Variants in CSMD1 observed in about 807,000 individuals in gnomAD.
CSMD1 encodes CUB and Sushi multiple domains 1, also known as CUB and sushi domain-containing protein 1.
In CSMD1, 213 loss-of-function variants were observed where a neutral mutation model predicts 417.5. The observed-to-expected ratio is 0.51, with a 90% CI of 0.46 to 0.57. The LOEUF (loss-of-function observed/expected upper bound fraction) is 0.57, where lower values mean the gene tolerates loss of function less well. CSMD1 is among the 20% of genes least tolerant of loss of function. The probability of loss-of-function intolerance (pLI) is 0.00; values close to 1 mark genes in which losing one functional copy is unlikely to be tolerated. For missense variants in CSMD1, 6,923 were observed against 4,529.7 expected, an observed-to-expected ratio of 1.53 and a Z score of -15.17; for synonymous variants, 2,862 against 1,736.8, an observed-to-expected ratio of 1.65 and a Z score of -16.11.
intron 25 of CSMD1, among the ~76,000 whole-genome samples, chr8:3,305,679 GTCTGTAATAT>G (rs1804780666): frequency 6.6e-6 from 1 of 152,068 alleles, no homozygotes; most frequent in Admixed American, 6.6e-5. Context: ...AACTTACTAA[GTCTGTAATAT>G]TCTTTTTCTT....
At chr8:4,877,811 A>G (rs1803143474) in intron 1 of CSMD1, among the ~76,000 whole-genome samples, 1 of 152,090 alleles carries the variant, frequency 6.6e-6, no homozygotes. Flanking sequence ...AAATCTTTTC[A>G]CTAACAGGCC....
At chr8:3,839,110 T>G (rs1368803199) in intron 5 of CSMD1, among the ~76,000 whole-genome samples, 11 of 122,708 alleles carry the variant, frequency 9.0e-5, no homozygotes, top group Non-Finnish European at 1.6e-4. Flanking sequence ...CCTATATATA[T>G]AGTCTATATG....
At chr8:4,626,317 G>T (rs189764921) in intron 2 of CSMD1, among the ~76,000 whole-genome samples, 1 of 151,920 alleles carries the variant, frequency 6.6e-6, no homozygotes, top group Non-Finnish European at 1.5e-5. Flanking sequence ...GCTGTGCCTT[G>T]AAGCTGGGAG....
chr8:2,960,821 A>G (rs1414811325), intron 62 of CSMD1, among the ~76,000 whole-genome samples: 1 of 151,886 alleles, frequency 6.6e-6, no homozygotes, highest in Non-Finnish European at 1.5e-5. Context: ...AACTGCCGTG[A>G]GAATTTAACA....
intron 5 of CSMD1, among the ~76,000 whole-genome samples, chr8:3,846,211 T>A (rs952745785): frequency 2.2e-4 from 34 of 152,200 alleles, no homozygotes; most frequent in Non-Finnish European, 2.1e-4. Flanking sequence ...CACTATACGT[T>A]TGTTGCCACC....
chr8:4,747,949 G>C (rs1278417641), intron 1 of CSMD1, among the ~76,000 whole-genome samples: 1 of 152,166 alleles, frequency 6.6e-6, no homozygotes, highest in Non-Finnish European at 1.5e-5. Flanking sequence ...ACTACCATAT[G>C]TTCTGCCTTC....
chr8:4,682,797 A>G (rs1806130823), intron 1 of CSMD1, among the ~76,000 whole-genome samples: 1 of 151,258 alleles, frequency 6.6e-6, no homozygotes, highest in Non-Finnish European at 1.5e-5. Flanking sequence ...AAGCAACATT[A>G]TATATAAGAA....
intron 3 of CSMD1, among the ~76,000 whole-genome samples, chr8:4,074,571 G>C (rs561562542): frequency 6.6e-6 from 1 of 152,018 alleles, no homozygotes; most frequent in Non-Finnish European, 1.5e-5. Flanking sequence ...TAAAGGATCC[G>C]ACATAAATTA....
At chr8:4,041,055 C>A (rs1376458042) in intron 3 of CSMD1, among the ~76,000 whole-genome samples, 14 of 123,896 alleles carry the variant, frequency 1.1e-4, no homozygotes, top group African/African-American at 4.6e-4. Context: ...CTCGCTCTGT[C>A]GCCCAGGCTG....
chr8:4,117,948 T>C (rs1465495054), intron 3 of CSMD1, among the ~76,000 whole-genome samples: 3 of 22,374 alleles, frequency 1.3e-4, no homozygotes, highest in East Asian at 1.0e-3. Flanking sequence ...GGCAAGTCAA[T>C]AGGAAAAAAA....
At chr8:3,606,713 A>AT (rs11335642) in intron 8 of CSMD1, among the ~76,000 whole-genome samples, 3,822 of 140,012 alleles carry the variant, frequency 0.027, 75 homozygotes, top group Middle Eastern at 0.07. Context: ...CTTCGTTACA[A>AT]TTTTTTTTTT....
chr8:4,033,409 T>C (rs1274070044), intron 3 of CSMD1, among the ~76,000 whole-genome samples: 1 of 152,116 alleles, frequency 6.6e-6, no homozygotes, highest in Non-Finnish European at 1.5e-5. Context: ...ACCACTGCAC[T>C]CCAGCGTGGG....
chr8:3,820,554 C>T (rs984791018), intron 5 of CSMD1, among the ~76,000 whole-genome samples: 6 of 151,988 alleles, frequency 3.9e-5, no homozygotes, highest in Admixed American at 1.3e-4. Flanking sequence ...TTCCATTTGT[C>T]GTTGTTGTGT....
chr8:4,477,120 A>C (rs962117906), intron 2 of CSMD1, among the ~76,000 whole-genome samples: 4 of 152,166 alleles, frequency 2.6e-5, no homozygotes, highest in African/African-American at 7.2e-5. Context: ...CCTGTCTCTT[A>C]AGAGTCACAG....
chr8:3,927,315 G>C lies in CSMD1; in HGVS notation c.818+70588C>G, dbSNP rs145877439. Among the ~76,000 whole-genome samples, 412 of 151,956 alleles carry C rather than the reference G, an allele frequency of 2.7e-3. 7 individuals are homozygous for C. The highest frequency in any genetic ancestry group is 4.5e-3 in the Admixed American group (68 of 15,226). ...TGCCAGACAGCATGAAAATTATTCT[G>C]ACTTTATAAGAACTTTATGAGTATT... On this transcript the variant is annotated intron_variant, in intron 5 of 69. Coordinates refer to ENST00000635120, the MANE Select transcript of CSMD1 (RefSeq NM_033225.6).
intron 1 of CSMD1, among the ~76,000 whole-genome samples, chr8:4,993,523 A>C (rs1005870192): frequency 3.3e-5 from 5 of 151,258 alleles, no homozygotes; most frequent in Non-Finnish European, 7.4e-5. Context: ...ACATTCCCCA[A>C]CTCATTCAGG....
intron 1 of CSMD1, among the ~76,000 whole-genome samples, chr8:4,671,218 T>C (rs2130947613): frequency 6.6e-6 from 1 of 152,348 alleles, no homozygotes; most frequent in Non-Finnish European, 1.5e-5. Context: ...AGATGAAGTA[T>C]TCAATCCTTT....
chr8:3,631,437 C>T (rs980887793), intron 7 of CSMD1, among the ~76,000 whole-genome samples: 1 of 152,134 alleles, frequency 6.6e-6, no homozygotes, highest in Non-Finnish European at 1.5e-5. Context: ...GCGTTGTGAA[C>T]ATTTTGAGGT....
chr8:3,094,711 G>C (rs1057113156), intron 47 of CSMD1, among the ~76,000 whole-genome samples: 17 of 147,224 alleles, frequency 1.2e-4, no homozygotes, highest in Non-Finnish European at 2.4e-4. Flanking sequence ...GCCATAGAGA[G>C]TAATATACTC....
Sources: allele counts gnomAD v4.1 joint callset (sites outside exome capture counted in the v4.1 genomes callset), GRCh38; gene constraint gnomAD v4.1.1; transcripts MANE v1.5; gene names NCBI Gene and HGNC (gene_info 2026-07-23, HGNC 2026-07-21).